PTPRD: variants seen among roughly 807,000 people sequenced by gnomAD.
PTPRD encodes the protein receptor-type tyrosine-protein phosphatase delta.
PTPRD carries 34 observed loss-of-function variants against 214.5 expected under a neutral mutation model. The observed-to-expected ratio is 0.16, with a 90% CI of 0.12 to 0.21. The LOEUF is 0.21. Among genes scored for constraint, PTPRD ranks in the 10% least tolerant of loss-of-function variants. PTPRD has a pLI of 1.00. For synonymous variants in PTPRD, 1,128 were observed against 845.7 expected, an observed-to-expected ratio of 1.33 and a Z score of -5.79; for missense variants, 2,545 against 2,398.7, an observed-to-expected ratio of 1.06 and a Z score of -1.27.
At position 10,449,042 on chromosome 9, in the gene PTPRD, T is replaced by TCTCTCCCTCTCC. The variant is rs1243918598; in HGVS notation, c.-599-108037_-599-108026dup. ...AACTTAAAGTATAATAAAAAAAGAT[T>TCTCTCCCTCTCC]CTCTCCCTCTCCGTCTCCCACTTTC... On this transcript the variant is annotated intron_variant, in intron 2 of 45. Coordinates refer to ENST00000381196, the MANE Select transcript of PTPRD (RefSeq NM_002839.4). 2.4e-3 allele frequency among the ~76,000 whole-genome samples: 371 copies of TCTCTCCCTCTCC among 151,588 alleles called. 2 individuals carry two copies. Among genetic ancestry groups the TCTCTCCCTCTCC allele is most frequent in the African/African-American group, 7.3e-3 (299 of 40,996 alleles).
chr9:8,727,527 G>T (rs556090082), intron 12 of PTPRD, among the ~76,000 whole-genome samples: 45 of 152,262 alleles, frequency 3.0e-4, no homozygotes, highest in Admixed American at 1.2e-3. Context: ...TGATAAACAT[G>T]GCTACGTGTT....
At chr9:9,507,728 A>G (rs1030215701) in intron 8 of PTPRD, among the ~76,000 whole-genome samples, 1 of 151,424 alleles carries the variant, frequency 6.6e-6, no homozygotes, top group Admixed American at 6.6e-5. Context: ...TATAATGTAA[A>G]TAACTCTAAT....
At chr9:8,667,831 C>G (rs780819206) in intron 12 of PTPRD, among the ~76,000 whole-genome samples, 2 of 152,032 alleles carry the variant, frequency 1.3e-5, no homozygotes, top group Non-Finnish European at 2.9e-5. Flanking sequence ...ATAAGAAATA[C>G]TCAACCTGTA....
intron 9 of PTPRD, among the ~76,000 whole-genome samples, chr9:9,357,575 AT>A (rs2054288252): frequency 6.6e-6 from 1 of 151,230 alleles, no homozygotes; most frequent in Non-Finnish European, 1.5e-5. Flanking sequence ...TTAAAAGACC[AT>A]ATAAGAATCA....
At chr9:9,817,607 A>T (rs2049183898) in intron 5 of PTPRD, among the ~76,000 whole-genome samples, 3 of 152,148 alleles carry the variant, frequency 2.0e-5, no homozygotes. Context: ...AATACTGATG[A>T]CAGTTAATTT....
Position 9,286,873 on chromosome 9 carries a change from AATATATATATAT to A in PTPRD, c.-202-103522_-202-103511del, listed in dbSNP as rs34631864. On this transcript the variant is annotated intron_variant, in intron 9 of 45. Coordinates refer to ENST00000381196, the MANE Select transcript of PTPRD (RefSeq NM_002839.4). The stretch of plus-strand genomic sequence containing the variant: ...GCTCAAGGCAGTCTTGAAACTACTG[AATATATATATAT>A]ATATATATATATATATATATATATA... Among the ~76,000 whole-genome samples the A allele has an allele frequency of 5.2e-3, 402 of 76,954 alleles. 4 individuals are homozygous for A. The highest frequency in any genetic ancestry group is 7.5e-3 in the Non-Finnish European group (270 of 35,920). The allele number at this position is 76,954 out of a possible 152,430, so 50.5% of individuals were successfully genotyped here. A position where few individuals can be genotyped will look rare whatever the true frequency, so the allele number is the denominator to read the frequency against.
At chr9:9,852,267 A>G (rs559793320) in intron 5 of PTPRD, among the ~76,000 whole-genome samples, 1 of 152,290 alleles carries the variant, frequency 6.6e-6, no homozygotes. Flanking sequence ...AGAGATGATG[A>G]GAGCAGTTGA....
intron 3 of PTPRD, among the ~76,000 whole-genome samples, chr9:10,284,618 A>T (rs918210193): frequency 3.9e-5 from 6 of 152,200 alleles, no homozygotes; most frequent in African/African-American, 1.2e-4. Context: ...GGCATGGCTT[A>T]GTTGGTTTCT....
At chr9:9,838,273 G>A (rs1173227811) in intron 5 of PTPRD, among the ~76,000 whole-genome samples, 2 of 151,972 alleles carry the variant, frequency 1.3e-5, no homozygotes, top group African/African-American at 4.8e-5. Flanking sequence ...TAGTCCTTTG[G>A]GTATATACCC....
At chr9:9,742,117 C>A (rs576945139) in intron 6 of PTPRD, among the ~76,000 whole-genome samples, 32 of 152,260 alleles carry the variant, frequency 2.1e-4, no homozygotes, top group African/African-American at 7.0e-4. Context: ...GAAATGGTAT[C>A]TCATTGTGGT....
At chr9:9,862,868 G>C (rs1017514452) in intron 5 of PTPRD, among the ~76,000 whole-genome samples, 1 of 152,050 alleles carries the variant, frequency 6.6e-6, no homozygotes, top group African/African-American at 2.4e-5. Context: ...AGGTTTTCTT[G>C]TGCCTTTTCT....
Position 9,884,621 on chromosome 9 carries a change from G to T in PTPRD, c.-368+53886C>A, listed in dbSNP as rs562777128. Among the ~76,000 whole-genome samples the T allele has an allele frequency of 1.0e-3, 157 of 152,236 alleles. 1 individual carries two copies. The highest frequency in any genetic ancestry group is 3.5e-3 in the African/African-American group (146 of 41,546). ...TAGAGGAGTGATATGGTTTGGCTGT[G>T]TCCCCAACCAAATCTCATTTTGAGT... On this transcript the variant is annotated intron_variant, in intron 5 of 45. Coordinates refer to ENST00000381196, the MANE Select transcript of PTPRD (RefSeq NM_002839.4).
chr9:10,381,599 T>C (rs1159519638), intron 2 of PTPRD, among the ~76,000 whole-genome samples: 1 of 152,008 alleles, frequency 6.6e-6, no homozygotes, highest in Non-Finnish European at 1.5e-5. Flanking sequence ...TCTAACCTGT[T>C]ATCTGGCTAC....
chr9:10,235,328 G>C (rs1405335228), intron 3 of PTPRD, among the ~76,000 whole-genome samples: 1 of 151,906 alleles, frequency 6.6e-6, no homozygotes, highest in Non-Finnish European at 1.5e-5. Context: ...ATGTAGGTAT[G>C]CCAAAATGTA....
At chr9:9,647,955 T>C (rs1261170082) in intron 7 of PTPRD, among the ~76,000 whole-genome samples, 1 of 152,164 alleles carries the variant, frequency 6.6e-6, no homozygotes. Flanking sequence ...ACTCTTTCTT[T>C]TGTTGAAGCA....
intron 14 of PTPRD, among the ~76,000 whole-genome samples, chr9:8,536,156 G>A (rs187032556): frequency 6.6e-6 from 1 of 151,880 alleles, no homozygotes; most frequent in Non-Finnish European, 1.5e-5. Flanking sequence ...TTCAGCTCTA[G>A]ATTTGGTGTC....
intron 11 of PTPRD, among the ~76,000 whole-genome samples, chr9:8,750,044 G>A (rs545305713): frequency 5.3e-5 from 8 of 151,970 alleles, no homozygotes; most frequent in African/African-American, 1.9e-4. Flanking sequence ...GGAGGTTGCA[G>A]TGAGCCAAGC....
At chr9:9,267,035 T>G (rs1244131520) in intron 9 of PTPRD, among the ~76,000 whole-genome samples, 1 of 151,218 alleles carries the variant, frequency 6.6e-6, no homozygotes, top group Non-Finnish European at 1.5e-5. Context: ...GAAAAGAACA[T>G]CAACAAACTT....
At chr9:9,578,858 AC>A (rs2089883010) in intron 7 of PTPRD, among the ~76,000 whole-genome samples, 1 of 152,136 alleles carries the variant, frequency 6.6e-6, no homozygotes, top group Non-Finnish European at 1.5e-5. Context: ...CAGTTAAGTC[AC>A]ATACCAGGAT....
Sources: gnomAD v4.1 joint callset for allele counts (sites outside exome capture counted in the v4.1 genomes callset) on GRCh38, gnomAD v4.1.1 for gene constraint, MANE v1.5 for transcripts, NCBI Gene and HGNC (gene_info 2026-07-23, HGNC 2026-07-21) for gene names.